Variants in KIF26B observed in about 807,000 individuals in gnomAD.
KIF26B encodes kinesin-like protein KIF26B.
Under a neutral mutation model 151.2 loss-of-function variants are expected in KIF26B, and 63 were observed. The ratio of observed to expected loss-of-function variants is 0.42; its 90% CI spans 0.34 to 0.51. The LOEUF (loss-of-function observed/expected upper bound fraction) is 0.51. KIF26B is among the 20% of genes least tolerant of loss of function. The pLI is 0.07. For synonymous variants in KIF26B, 1,357 were observed against 1,262.1 expected, an observed-to-expected ratio of 1.08 and a Z score of -1.59; for missense variants, 2,813 against 2,913.6, an observed-to-expected ratio of 0.97 and a Z score of 0.79.
intron 2 of KIF26B, among the ~76,000 whole-genome samples, chr1:245,247,023 T>A: frequency 6.6e-6 from 1 of 151,808 alleles, no homozygotes; most frequent in East Asian, 1.9e-4. Flanking sequence ...TTGACACTGA[T>A]GTAGATTGTA....
rs77205523 is a variant in KIF26B, at chr1:245,411,464, C to T, written c.1000-8115C>T. On this transcript the variant is annotated intron_variant, in intron 3 of 14. Transcript: ENST00000407071. ...AGGTTAGGAGGCATCCCAGTGCTTC[C>T]CTCCTCAGTGAGTCATTTCATCTGT... Among the ~76,000 whole-genome samples, 4 of 152,264 alleles carry T rather than the reference C, an allele frequency of 2.6e-5. No homozygotes were observed. The East Asian group carries it at 7.7e-4, about 29-fold the overall frequency.
intron 1 of KIF26B, 120 bp downstream of exon 1, chr1:245,155,607 G>A: frequency 1.2e-6 from 1 of 828,334 alleles, no homozygotes; most frequent in Non-Finnish European, 1.8e-6. Flanking sequence ...AGGCGCCCCC[G>A]GGGCTGGCGG....
chr1:245,523,415 A>G (rs1661173925), intron 4 of KIF26B, among the ~76,000 whole-genome samples: 1 of 152,224 alleles, frequency 6.6e-6, no homozygotes, highest in African/African-American at 2.4e-5. Context: ...GAGTATCTGT[A>G]GATAATCTAG....
intron 10 of KIF26B, among the ~76,000 whole-genome samples, chr1:245,680,297 T>C (rs1279033155): frequency 6.6e-6 from 1 of 152,150 alleles, no homozygotes; most frequent in Non-Finnish European, 1.5e-5. Flanking sequence ...AGGACATCTT[T>C]TAGAGTCCGC....
At chr1:245,556,279 T>TCCTCCTC (rs1433218804) in intron 5 of KIF26B, among the ~76,000 whole-genome samples, 25 of 73,176 alleles carry the variant, frequency 3.4e-4, no homozygotes, top group East Asian at 3.0e-3. Context: ...CTCCTCTTCT[T>TCCTCCTC]CTTCTTCCTC....
chr1:245,602,895 C>T lies in KIF26B; in HGVS notation c.1557+112C>T, dbSNP rs1425670767. 1.1e-6 allele frequency: 1 copy of T among 920,910 alleles called. No individual in the cohort carries two copies. The highest frequency in any genetic ancestry group is 2.4e-5 in the East Asian group (1 of 41,508). The allele number at this position is 920,910 out of a possible 1,614,324, so 57.0% of individuals were successfully genotyped here. ...TGTCTTCTGGAGCATTCTGATGGAC[C>T]AGTTCCTTCAGGAGTCAATCTGAGC... On this transcript the variant is annotated intron_variant, in intron 6 of 14. Transcript: ENST00000407071. This position sits in a 1 kb window ranked among gnomAD's most constrained non-coding sequence, Gnocchi z 4.5.
chr1:245,242,945 C>T (rs1001720373), intron 2 of KIF26B, among the ~76,000 whole-genome samples: 7 of 152,186 alleles, frequency 4.6e-5, no homozygotes, highest in Admixed American at 1.3e-4. Context: ...CCACCGCGCC[C>T]AGCCATATGT....
At chr1:245,621,640 C>A (rs111920764) in intron 9 of KIF26B, among the ~76,000 whole-genome samples, 7 of 152,096 alleles carry the variant, frequency 4.6e-5, no homozygotes, top group Non-Finnish European at 8.8e-5. Context: ...CAGTGAGGAA[C>A]CTGCTTCTTA....
At chr1:245,472,309 C>A (rs532679376) in intron 4 of KIF26B, among the ~76,000 whole-genome samples, 3 of 152,238 alleles carry the variant, frequency 2.0e-5, no homozygotes, top group African/African-American at 7.2e-5. Context: ...TGGATGTATT[C>A]ATTGGCCTGC....
At position 245,572,735 on chromosome 1, in the gene KIF26B, C is replaced by T. The variant is rs2043077493; in HGVS notation, c.1351-29842C>T. Among the ~76,000 whole-genome samples, 1 of 152,114 alleles carries T rather than the reference C, an allele frequency of 6.6e-6. No individual in the cohort carries two copies. The highest frequency in any genetic ancestry group is 2.4e-5 in the African/African-American group (1 of 41,416). The stretch of plus-strand genomic sequence containing the variant: ...CCACATTTACTTCATAATGTATTAC[C>T]TACGTATAGTGTATGTTGTTCGCTT... On this transcript the variant is annotated intron_variant, in intron 5 of 14. Coordinates refer to ENST00000407071, the MANE Select transcript of KIF26B (RefSeq NM_018012.4). This position sits in a 1 kb window ranked among gnomAD's most constrained non-coding sequence, Gnocchi z 4.2.
chr1:245,432,850 C>T lies in KIF26B; in HGVS notation c.1166+13105C>T, dbSNP rs550323505. ...GAAGGAGGAATGTAAGGGGGACTGCCGGAATAATTCGGTTAGAATTCGGTA... is the reference window on the plus strand; with the variant it reads ...GAAGGAGGAATGTAAGGGGGACTGCTGGAATAATTCGGTTAGAATTCGGTA... On this transcript the variant is annotated intron_variant, in intron 4 of 14. Transcript: ENST00000407071. Among the ~76,000 whole-genome samples, 27 of 152,230 alleles carry T rather than the reference C, an allele frequency of 1.8e-4. No homozygotes were observed. In the South Asian group the frequency reaches 5.0e-3, roughly 28 times the overall value.
chr1:245,291,630 AAGAC>A (rs1244620346), intron 2 of KIF26B, among the ~76,000 whole-genome samples: 1 of 152,164 alleles, frequency 6.6e-6, no homozygotes, highest in Admixed American at 6.5e-5. Flanking sequence ...GTGAGCAAGA[AAGAC>A]AGATTCCTGT....
rs143672142 is a variant in KIF26B at position 245,398,331 on chromosome 1, C to T, written c.1000-21248C>T. Among the ~76,000 whole-genome samples, 198 of 152,290 alleles carry T rather than the reference C, an allele frequency of 1.3e-3. 2 individuals are homozygous for T. The East Asian group carries it at 0.036, about 28-fold the overall frequency. On this transcript the variant is annotated intron_variant, in intron 3 of 14. Transcript: ENST00000407071. ...ACCCCCGATAAAGTAATCCCGGCTG[C>T]CTGCGACGGAGGTGTAGGCAGCCAG... is the stretch of plus-strand genomic sequence containing the variant.
At chr1:245,429,257 G>GGCCTTTTT (rs1247389924) in intron 4 of KIF26B, among the ~76,000 whole-genome samples, 1 of 152,164 alleles carries the variant, frequency 6.6e-6, no homozygotes, top group Admixed American at 6.5e-5. Context: ...TAAAAAGGAT[G>GGCCTTTTT]GAGTTCTGTC....
chr1:245,417,243 A>G (rs1006523531), intron 3 of KIF26B, among the ~76,000 whole-genome samples: 2 of 152,166 alleles, frequency 1.3e-5, no homozygotes, highest in African/African-American at 2.4e-5. Context: ...ATACATGTGT[A>G]TGTTTTATTA....
chr1:245,203,044 G>A (rs984425153), intron 2 of KIF26B, among the ~76,000 whole-genome samples: 1 of 151,790 alleles, frequency 6.6e-6, no homozygotes, highest in Non-Finnish European at 1.5e-5. Context: ...CATGAGGTCA[G>A]GAGTTTGAGA....
intron 4 of KIF26B, among the ~76,000 whole-genome samples, chr1:245,511,441 C>T (rs1025237850): frequency 7.9e-5 from 12 of 152,106 alleles, no homozygotes; most frequent in Admixed American, 4.6e-4. Context: ...TATAATCAGG[C>T]TTATTCAGAG....
rs774614684 is a variant in KIF26B, at chr1:245,155,499, C to T, written c.63+12C>T. 2 of 1,604,476 alleles carry T rather than the reference C, an allele frequency of 1.2e-6. No individual in the cohort carries two copies. Among genetic ancestry groups the T allele is most frequent in the Non-Finnish European group, 1.7e-6 (2 of 1,173,300 alleles). On this transcript the variant is annotated intron_variant, in intron 1 of 14. Transcript: ENST00000407071. ...GCAAGAAATACGGGGTAAGTTGTGA[C>T]GGTACGACGCGGAGACGCGTTACCA...
In KIF26B at chr1:245,499,898, C is replaced by T. The variant is rs535554031; in HGVS notation, c.1167-40869C>T. Among the ~76,000 whole-genome samples, 35 of 152,336 alleles carry T rather than the reference C, an allele frequency of 2.3e-4. No individual in the cohort carries two copies. The South Asian group carries it at 7.0e-3, about 31-fold the overall frequency. On this transcript the variant is annotated intron_variant, in intron 4 of 14. Coordinates refer to ENST00000407071, the MANE Select transcript of KIF26B (RefSeq NM_018012.4). ...CACAGTGGGGAATGTATCAAACGGT[C>T]ACTTTCCTAAGGGAGACATTCTCCC...
Sources: allele counts gnomAD v4.1 joint callset (sites outside exome capture counted in the v4.1 genomes callset), GRCh38; gene constraint gnomAD v4.1.1; non-coding constraint Gnocchi (gnomAD v3.1); transcripts MANE v1.5; gene names NCBI Gene and HGNC (gene_info 2026-07-23, HGNC 2026-07-21).